The following FKBP1B variants were observed in gnomAD, a reference collection of about 807,000 sequenced individuals.
FKBP1B encodes peptidyl-prolyl cis-trans isomerase FKBP1B.
In FKBP1B, 4 loss-of-function variants were observed where a neutral mutation model predicts 13.5. The observed-to-expected ratio is 0.30, with a 90% CI of 0.15 to 0.68. The LOEUF is 0.68. Among genes scored for constraint, FKBP1B ranks in the 30% least tolerant of loss-of-function variants. The pLI, the probability that FKBP1B is intolerant of heterozygous loss-of-function variation, is 0.76. For synonymous variants in FKBP1B, 54 were observed against 53.6 expected, an observed-to-expected ratio of 1.01 and a Z score of -0.03; for missense variants, 93 against 136.2, an observed-to-expected ratio of 0.68 and a Z score of 1.58.
upstream of FKBP1B, among the ~76,000 whole-genome samples, chr2:24,045,198 A>G (rs934174273): frequency 1.3e-4 from 20 of 152,248 alleles, no homozygotes; most frequent in Admixed American, 3.9e-4. Flanking sequence ...ATAGACAGTG[A>G]TATCGATAGG....
At chr2:24,048,753 A>AT (rs1005891067), upstream of FKBP1B, among the ~76,000 whole-genome samples, 2 of 152,090 alleles carry the variant, frequency 1.3e-5, no homozygotes, top group African/African-American at 4.8e-5. Flanking sequence ...TCCTGAATGT[A>AT]TTTTTTGGTG....
rs1046564239 is a variant in FKBP1B, at chr2:24,050,885, C to G, written c.37+999C>G. On this transcript the variant is annotated intron_variant, in intron 1 of 3. Transcript: ENST00000380986. The surrounding 1 kb of genome is among the most constrained non-coding windows in gnomAD (Gnocchi z 5.8). ...TCCCCTGGAGTACAGGCTTCTTTGC[C>G]CACGCAGGAAACATTGCTGCTGGGT... 5.9e-5 allele frequency among the ~76,000 whole-genome samples: 9 copies of G among 152,220 alleles called. No homozygotes were observed. The highest frequency in any genetic ancestry group is 1.3e-4 in the Non-Finnish European group (9 of 68,038).
the FKBP1B span, among the ~76,000 whole-genome samples, chr2:24,033,909 C>A: frequency 6.6e-6 from 1 of 152,000 alleles, no homozygotes; most frequent in East Asian, 1.9e-4. Flanking sequence ...TAAAACTATA[C>A]ATCACTGTGG....
intron 3 of FKBP1B, 77 bp downstream of exon 3, chr2:24,061,003 C>T (rs1664366678): frequency 9.6e-7 from 1 of 1,039,788 alleles, no homozygotes; most frequent in Non-Finnish European, 1.5e-6. Context: ...CCACCTCCAC[C>T]TTCACCCACT....
chr2:24,039,519 T>C, the FKBP1B span: 1 of 1,600,390 alleles, frequency 6.2e-7, no homozygotes, highest in Non-Finnish European at 8.5e-7. Context: ...TTACCTGAAA[T>C]GATTAAGAAG....
At chr2:24,053,827 G>T (rs1663990912) in intron 1 of FKBP1B, 75 bp from the exon 2 acceptor site, 1 of 1,422,480 alleles carries the variant, frequency 7.0e-7, no homozygotes, top group Admixed American at 1.7e-5. Flanking sequence ...GGAGCTCTTG[G>T]TCAGGATCAT....
At chr2:24,038,543 G>A in the FKBP1B span, 2 of 1,614,246 alleles carry the variant, frequency 1.2e-6, no homozygotes, top group Non-Finnish European at 1.7e-6. Flanking sequence ...AGGACCAAAT[G>A]TGAAGAATCT....
At chr2:24,034,674 G>A in the FKBP1B span, among the ~76,000 whole-genome samples, 1 of 150,418 alleles carries the variant, frequency 6.6e-6, no homozygotes, top group Non-Finnish European at 1.5e-5. Flanking sequence ...CCTCAGCTTA[G>A]GTGATCCTCA....
At chr2:24,060,020 C>T (rs1194815445) in intron 2 of FKBP1B, among the ~76,000 whole-genome samples, 2 of 151,532 alleles carry the variant, frequency 1.3e-5, no homozygotes, top group African/African-American at 2.4e-5. Context: ...AGGCCAGAGC[C>T]GGATTGTGAA....
chr2:24,037,945 G>C, the FKBP1B span: 1 of 1,614,168 alleles, frequency 6.2e-7, no homozygotes, highest in East Asian at 2.2e-5. Flanking sequence ...CTGGGTAACA[G>C]GCTCAGCATC....
At chr2:24,051,554 C>T (rs1256887391) in intron 1 of FKBP1B, among the ~76,000 whole-genome samples, 2 of 152,304 alleles carry the variant, frequency 1.3e-5, no homozygotes, top group East Asian at 1.9e-4. Flanking sequence ...ACACACCACT[C>T]GTTCAGCAAA....
chr2:24,056,439 G>T (rs1442073932), intron 2 of FKBP1B, among the ~76,000 whole-genome samples: 1 of 151,728 alleles, frequency 6.6e-6, no homozygotes, highest in Non-Finnish European at 1.5e-5. Flanking sequence ...CGCCTCCTGG[G>T]TTCAAGCGAT....
At chr2:24,056,033 A>G (rs1664110815) in intron 2 of FKBP1B, among the ~76,000 whole-genome samples, 1 of 152,132 alleles carries the variant, frequency 6.6e-6, no homozygotes, top group Non-Finnish European at 1.5e-5. Flanking sequence ...TATGTTGCCC[A>G]GGCTGGAGAG....
At position 24,050,488 on chromosome 2, in the gene FKBP1B, A is replaced by AT. The variant is rs1472843575; in HGVS notation, c.37+604dup. Among the ~76,000 whole-genome samples, 6 of 151,984 alleles carry AT rather than the reference A, an allele frequency of 3.9e-5. No individual in the cohort carries two copies. Among genetic ancestry groups the AT allele is most frequent in the African/African-American group, 1.5e-4 (6 of 41,376 alleles). ...CCCTGTCCACTCCCATGGCCTCCACATTGAAGCTTCTAAGCCCAGCCCTGC... is the reference window on the plus strand; with the variant it reads ...CCCTGTCCACTCCCATGGCCTCCACATTTGAAGCTTCTAAGCCCAGCCCTGC... On this transcript the variant is annotated intron_variant, in intron 1 of 3. Transcript: ENST00000380986. This position sits in a 1 kb window ranked among gnomAD's most constrained non-coding sequence, Gnocchi z 5.8.
At chr2:24,034,500 T>G in the FKBP1B span, among the ~76,000 whole-genome samples, 1 of 151,356 alleles carries the variant, frequency 6.6e-6, no homozygotes, top group African/African-American at 2.4e-5. Flanking sequence ...CCTCCAGAGA[T>G]AACTACTGAC....
At chr2:24,054,817 G>A (rs1186427202) in intron 2 of FKBP1B, among the ~76,000 whole-genome samples, 2 of 152,180 alleles carry the variant, frequency 1.3e-5, no homozygotes, top group Non-Finnish European at 2.9e-5. Context: ...CCTCTGACCT[G>A]TGTAATTGAT....
At chr2:24,043,255 GA>G in the FKBP1B span, among the ~76,000 whole-genome samples, 2 of 152,214 alleles carry the variant, frequency 1.3e-5, no homozygotes, top group Non-Finnish European at 2.9e-5. Flanking sequence ...AGAATTGCTT[GA>G]ACCTGGGAGG....
upstream of FKBP1B, among the ~76,000 whole-genome samples, chr2:24,049,115 A>C (rs1383191716): frequency 2.0e-5 from 3 of 152,182 alleles, no homozygotes; most frequent in African/African-American, 7.2e-5. Context: ...CAACGCTCTG[A>C]ACTGCACGGC....
chr2:24,049,435 C>G (rs1374420924), upstream of FKBP1B: 3 of 179,430 alleles, frequency 1.7e-5, no homozygotes, highest in African/African-American at 2.4e-5. Flanking sequence ...CCCCCACCCC[C>G]CACAAGTCTG....
Sources: gnomAD v4.1 joint callset for allele counts (sites outside exome capture counted in the v4.1 genomes callset) on GRCh38, gnomAD v4.1.1 for gene constraint, Gnocchi (gnomAD v3.1) non-coding constraint, MANE v1.5 for transcripts, NCBI Gene and HGNC (gene_info 2026-07-23, HGNC 2026-07-21) for gene names.